Variants in NUBPL observed in about 807,000 individuals in gnomAD.
NUBPL encodes the protein NUBP iron-sulfur cluster assembly factor, mitochondrial.
Under a neutral mutation model 45.7 loss-of-function variants are expected in NUBPL, and 31 were observed. The observed-to-expected ratio is 0.68, with a 90% confidence interval of 0.51 to 0.92. The LOEUF is 0.92. NUBPL is among the 40% of genes least tolerant of loss of function. The pLI, the probability that NUBPL is intolerant of heterozygous loss-of-function variation, is 0.00. For missense variants in NUBPL, 401 were observed against 398.7 expected, an observed-to-expected ratio of 1.01 and a Z score of -0.05; for synonymous variants, 144 against 140.9, an observed-to-expected ratio of 1.02 and a Z score of -0.15.
chr14:31,821,255 C>T (rs994095645), intron 7 of NUBPL, among the ~76,000 whole-genome samples: 14 of 151,962 alleles, frequency 9.2e-5, no homozygotes, highest in African/African-American at 2.7e-4. Flanking sequence ...AGAAACGACC[C>T]GGAAATGGGA....
intron 7 of NUBPL, among the ~76,000 whole-genome samples, chr14:31,799,217 A>G (rs975576892): frequency 6.6e-6 from 1 of 152,120 alleles, no homozygotes; most frequent in Non-Finnish European, 1.5e-5. Flanking sequence ...TAGATACAAG[A>G]TACAACCACC....
In NUBPL at chr14:31,855,332, G is replaced by A. The variant is rs540937257; in HGVS notation, c.898-3786G>A. Among the ~76,000 whole-genome samples, 10 of 152,274 alleles carry A rather than the reference G, an allele frequency of 6.6e-5. No individual in the cohort carries two copies. The East Asian group carries it at 1.9e-3, about 29-fold the overall frequency. On this transcript the variant is annotated intron_variant, in intron 10 of 10. Transcript: ENST00000281081. ...AAAACTATTGTTTCTGTTAACTACAGCAGAGAAGAACCCATTTTTAGACTA... is the reference window on the plus strand; with the variant it reads ...AAAACTATTGTTTCTGTTAACTACAACAGAGAAGAACCCATTTTTAGACTA...
chr14:31,565,918 CATT>C (rs2033423300), intron 3 of NUBPL, among the ~76,000 whole-genome samples: 2 of 151,836 alleles, frequency 1.3e-5, no homozygotes, highest in South Asian at 4.1e-4. Flanking sequence ...TTCATAGTCT[CATT>C]ATTGTTGGAT....
chr14:31,839,593 C>T (rs114143598), intron 8 of NUBPL, among the ~76,000 whole-genome samples: 1,962 of 152,168 alleles, frequency 0.013, 47 homozygotes, highest in African/African-American at 0.045. Context: ...CAAAAATAGA[C>T]AAATAGGATT....
chr14:31,718,297 C>A (rs2037733111), intron 6 of NUBPL, among the ~76,000 whole-genome samples: 1 of 151,966 alleles, frequency 6.6e-6, no homozygotes, highest in African/African-American at 2.4e-5. Context: ...ACAAGTGTCC[C>A]AGGGAAAAGA....
intron 3 of NUBPL, among the ~76,000 whole-genome samples, chr14:31,594,469 T>C (rs2034230527): frequency 6.6e-6 from 1 of 152,242 alleles, no homozygotes; most frequent in African/African-American, 2.4e-5. Context: ...GTACCTCTTT[T>C]GAGAGCAGTT....
intron 6 of NUBPL, among the ~76,000 whole-genome samples, chr14:31,751,941 C>T (rs1186000885): frequency 6.6e-6 from 1 of 152,228 alleles, no homozygotes; most frequent in Non-Finnish European, 1.5e-5. Flanking sequence ...AGGCTTGGGG[C>T]TTGCATTCTC....
intron 6 of NUBPL, among the ~76,000 whole-genome samples, chr14:31,719,177 T>C (rs1421305074): frequency 6.6e-6 from 1 of 152,204 alleles, no homozygotes; most frequent in Non-Finnish European, 1.5e-5. Context: ...AGCTGGGAAC[T>C]GATTTGTTGC....
chr14:31,598,110 A>G (rs2034331081), intron 3 of NUBPL, among the ~76,000 whole-genome samples: 1 of 152,104 alleles, frequency 6.6e-6, no homozygotes, highest in African/African-American at 2.4e-5. Flanking sequence ...TGAGATTTTC[A>G]TAGAGGCAGA....
intron 6 of NUBPL, among the ~76,000 whole-genome samples, chr14:31,732,063 G>A (rs2038060823): frequency 6.6e-6 from 1 of 151,752 alleles, no homozygotes; most frequent in Non-Finnish European, 1.5e-5. Flanking sequence ...GCCGGGCATG[G>A]TGTGCCTGTA....
At chr14:31,660,940 CT>C (rs891052988) in intron 4 of NUBPL, among the ~76,000 whole-genome samples, 30 of 152,312 alleles carry the variant, frequency 2.0e-4, no homozygotes, top group African/African-American at 7.0e-4. Context: ...AAGATGTCAA[CT>C]TTAATAGGAA....
intron 7 of NUBPL, among the ~76,000 whole-genome samples, chr14:31,821,597 T>A (rs548021399): frequency 6.6e-6 from 1 of 152,320 alleles, no homozygotes; most frequent in Admixed American, 6.5e-5. Context: ...GAATGTAAAT[T>A]AGTACAACCA....
intron 7 of NUBPL, chr14:31,801,215 G>A (rs1199666081): frequency 1.3e-5 from 2 of 152,266 alleles, no homozygotes; most frequent in African/African-American, 4.8e-5. Context: ...TCCTCCCACA[G>A]TCTCATCTCC....
At chr14:31,657,818 G>A (rs2036176217) in intron 4 of NUBPL, among the ~76,000 whole-genome samples, 1 of 152,000 alleles carries the variant, frequency 6.6e-6, no homozygotes, top group South Asian at 2.1e-4. Context: ...TGAATTCCTT[G>A]TACTTGTAGC....
chr14:31,655,077 A>G (rs969835756), intron 4 of NUBPL, among the ~76,000 whole-genome samples: 1 of 152,168 alleles, frequency 6.6e-6, no homozygotes, highest in African/African-American at 2.4e-5. Context: ...TCTCAGTGTC[A>G]TCCATGAGGG....
intron 6 of NUBPL, among the ~76,000 whole-genome samples, chr14:31,736,383 A>G (rs752504988): frequency 5.3e-5 from 8 of 152,140 alleles, no homozygotes; most frequent in African/African-American, 1.7e-4. Context: ...TTGTGTCTTT[A>G]TACTCAATAC....
At chr14:31,585,341 C>T (rs550709309) in intron 3 of NUBPL, among the ~76,000 whole-genome samples, 4 of 152,148 alleles carry the variant, frequency 2.6e-5, no homozygotes, top group East Asian at 1.9e-4. Context: ...TCTGAAGTTG[C>T]GGGATGGACA....
intron 7 of NUBPL, among the ~76,000 whole-genome samples, chr14:31,825,635 C>T (rs2040085522): frequency 1.1e-5 from 1 of 94,560 alleles, no homozygotes; most frequent in African/African-American, 6.3e-5. Flanking sequence ...TCCTCCTCCT[C>T]CCCTCTTTCT....
In NUBPL at chr14:31,745,774, A is replaced by G. The variant is rs537721443; in HGVS notation, c.514-42006A>G. Among the ~76,000 whole-genome samples the G allele has an allele frequency of 1.3e-4, 20 of 152,014 alleles. No homozygotes were observed. In the East Asian group the frequency reaches 2.1e-3, roughly 16 times the overall value. On this transcript the variant is annotated intron_variant, in intron 6 of 10. Coordinates refer to ENST00000281081, the MANE Select transcript of NUBPL (RefSeq NM_025152.3). ...GGAAAAATACTGAGGCACTGTGTGT[A>G]TGTTATTTGTGCATGAGACTAAAAC...
Sources: gnomAD v4.1 joint callset for allele counts (sites outside exome capture counted in the v4.1 genomes callset) on GRCh38, gnomAD v4.1.1 for gene constraint, MANE v1.5 for transcripts, NCBI Gene and HGNC (gene_info 2026-07-23, HGNC 2026-07-21) for gene names.